Variants in ITIH1 observed in about 807,000 individuals in gnomAD.
The protein encoded by ITIH1 is inter-alpha-trypsin inhibitor heavy chain 1.
In ITIH1, 94 loss-of-function variants were observed where a neutral mutation model predicts 104.6. The observed-to-expected ratio is 0.90, with a 90% CI of 0.76 to 1.07. The LOEUF (loss-of-function observed/expected upper bound fraction) is 1.07, where lower values mean the gene tolerates loss of function less well. ITIH1 is among the 50% of genes least tolerant of loss of function. The pLI is 0.00. For synonymous variants in ITIH1, 455 were observed against 464.4 expected, an observed-to-expected ratio of 0.98 and a Z score of 0.26; for missense variants, 1,193 against 1,181.4, an observed-to-expected ratio of 1.01 and a Z score of -0.14.
Position 52,791,935 on chromosome 3 carries a change from C to T in ITIH1, c.*24C>T. 6.2e-7 allele frequency: 1 copy of T among 1,600,998 alleles called. No homozygotes were observed. Among genetic ancestry groups the T allele is most frequent in the Non-Finnish European group, 8.5e-7 (1 of 1,172,492 alleles). On this transcript the variant is annotated 3_prime_UTR_variant, in exon 22 of 22. Coordinates refer to ENST00000273283, the MANE Select transcript of ITIH1 (RefSeq NM_002215.4). ...GAGCCCTCTGGCCAGCACGCCTGTC[C>T]TCCCCCGGGGCCAAGGCAGAGGAGG...
chr3:52,791,952 C>CAG lies in ITIH1; in HGVS notation c.*44_*45dup. 1 of 1,582,086 alleles carries CAG rather than the reference C, an allele frequency of 6.3e-7. No homozygotes were observed. Among genetic ancestry groups the CAG allele is most frequent in the African/African-American group, 1.3e-5 (1 of 74,216 alleles). ...CGCCTGTCCTCCCCCGGGGCCAAGG[C>CAG]AGAGGAGGAGGACGACATCCTGACC... On this transcript the variant is annotated 3_prime_UTR_variant, in exon 22 of 22. Coordinates refer to ENST00000273283, the MANE Select transcript of ITIH1 (RefSeq NM_002215.4).
chr3:52,788,176 TG>T (rs1699252765), intron 17 of ITIH1, 55 bp from the exon 18 acceptor site: 2 of 1,522,810 alleles, frequency 1.3e-6, no homozygotes, highest in Non-Finnish European at 1.8e-6. Context: ...CCCCAACCCC[TG>T]GCCAGCCCCA....
intron 1 of ITIH1, 51 bp downstream of exon 1, chr3:52,777,783 GC>G: frequency 6.7e-7 from 1 of 1,497,734 alleles, no homozygotes. Context: ...CCTGGATGAG[GC>G]CCCGGGCGGG....
chr3:52,791,022 A>T (rs992908629), intron 20 of ITIH1, 101 bp downstream of exon 20: 1 of 1,249,844 alleles, frequency 8.0e-7, no homozygotes, highest in Non-Finnish European at 1.1e-6. Flanking sequence ...GGGCACCAGG[A>T]CAGGCCCACC....
At chr3:52,790,572 A>G in intron 19 of ITIH1, 177 bp from the exon 20 acceptor site, 1 of 639,998 alleles carries the variant, frequency 1.6e-6, no homozygotes. Flanking sequence ...GCACATTGCA[A>G]GGGCCCCAAG....
At position 52,781,309 on chromosome 3, in the gene ITIH1, T is replaced by C. The variant is rs528251000; in HGVS notation, c.688-631T>C. ...TTCCTCTTCTTCTTCTTCTGCTTCT[T>C]CTTCTCCTTCTCCTTCTTCTTCTTC... is the stretch of plus-strand genomic sequence containing the variant. On this transcript the variant is annotated intron_variant, in intron 6 of 21. Transcript: ENST00000273283. 8.0e-5 allele frequency among the ~76,000 whole-genome samples: 10 copies of C among 125,376 alleles called. 1 individual carries two copies. The highest frequency in any genetic ancestry group is 2.4e-4 in the East Asian group (1 of 4,152). 82.3% of individuals were successfully genotyped at this position (125,376 alleles called of 152,430 possible).
At chr3:52,782,855 G>A (rs1055988410) in intron 8 of ITIH1, 102 bp from the exon 9 acceptor site, 1 of 1,170,310 alleles carries the variant, frequency 8.5e-7, no homozygotes, top group African/African-American at 1.5e-5. Context: ...CCTCCTGCTT[G>A]TCCACCCTGT....
intron 6 of ITIH1, among the ~76,000 whole-genome samples, chr3:52,780,693 C>T (rs36012032): frequency 1.3e-5 from 2 of 152,198 alleles, no homozygotes; most frequent in Non-Finnish European, 2.9e-5. Flanking sequence ...GCCCGCCTCA[C>T]GCCCATGGGA....
chr3:52,780,328 C>G lies in ITIH1; in HGVS notation c.633C>G (p.Phe211Leu). The change falls in exon 6 of 22, where the codon TTC becomes TTG. Residue 211 changes from phenylalanine to leucine, a missense_variant. Transcript: ENST00000273283. The stretch of plus-strand genomic sequence containing the variant: ...GCAAGCTGGATGCCCAGGCCTCTTT[C>G]CTGCCGAAGGAACTGGCAGCCCAAA... Reference protein sequence around the residue: ...GISKLDAQASFLPKELAAQTI... With the variant: ...GISKLDAQASLLPKELAAQTI... The G allele has an allele frequency of 1.9e-6, 3 of 1,614,122 alleles. No homozygotes were observed. The highest frequency in any genetic ancestry group is 1.7e-4 in the Middle Eastern group (1 of 6,056).
chr3:52,781,208 T>TTTTCTTC (rs1699033303), intron 6 of ITIH1, among the ~76,000 whole-genome samples: 1 of 49,968 alleles, frequency 2.0e-5, no homozygotes, highest in Non-Finnish European at 3.8e-5. Flanking sequence ...TTTTTTTTTT[T>TTTTCTTC]TTCTTCTTCT....
chr3:52,791,720 TC>T, intron 21 of ITIH1, 61 bp from the exon 22 acceptor site: 2 of 1,606,428 alleles, frequency 1.2e-6, no homozygotes, highest in Non-Finnish European at 1.7e-6. Context: ...GGGGTGAGCT[TC>T]CTGGGGAGGT....
At chr3:52,789,629 G>A (rs767539914) in intron 18 of ITIH1, 24 bp from the exon 19 acceptor site, 9 of 1,610,384 alleles carry the variant, frequency 5.6e-6, no homozygotes, top group South Asian at 5.5e-5. Context: ...TTCCCAACCC[G>A]GATGCCCTCT....
chr3:52,779,617 G>A lies in ITIH1; in HGVS notation c.573+23G>A, dbSNP rs1275962353. ...GAGGTAGATCACAGGTCCCGGGGCA[G>A]GGGTCCTGCCCCTCTCTCCGTCACC... is the stretch of plus-strand genomic sequence containing the variant. On this transcript the variant is annotated intron_variant, in intron 5 of 21. Transcript: ENST00000273283. This position sits in a 1 kb window ranked among gnomAD's most constrained non-coding sequence, Gnocchi z 4.4. 6.2e-7 allele frequency: 1 copy of A among 1,613,622 alleles called. No homozygotes were observed. Among genetic ancestry groups the A allele is most frequent in the South Asian group, 1.1e-5 (1 of 91,054 alleles).
intron 19 of ITIH1, chr3:52,790,168 C>G: frequency 2.3e-6 from 1 of 440,716 alleles, no homozygotes; most frequent in Non-Finnish European, 4.2e-6. Context: ...CCTCAGCCCT[C>G]CTGCTCTCTT....
At chr3:52,787,374 G>A (rs1312551901) in intron 15 of ITIH1, among the ~76,000 whole-genome samples, 172 bp downstream of exon 15, 1 of 152,098 alleles carries the variant, frequency 6.6e-6, no homozygotes, top group Non-Finnish European at 1.5e-5. Context: ...ACTCCCTGCT[G>A]CGCTTTGTGA....
chr3:52,784,347 G>A lies in ITIH1; in HGVS notation c.1277G>A (p.Gly426Asp). The change falls in exon 11 of 22, where the codon GGC becomes GAC. Residue 426 changes from glycine (G) to aspartate (D), a missense_variant. Gly to Asp is a moderately conservative substitution (Grantham distance 94, BLOSUM62 -1). Transcript: ENST00000273283. Reference sequence around the variant, plus strand: ...AAGAACGTCCGCAACGCCATCCGGGGCAGGTTCCCGCTCTACAACCTGGGT... The same window carrying A: ...AAGAACGTCCGCAACGCCATCCGGGACAGGTTCCCGCTCTACAACCTGGGT... ...ILKNVRNAIRGRFPLYNLGFG... is the reference protein window; with the variant it reads ...ILKNVRNAIRDRFPLYNLGFG... 5 of 1,614,142 alleles carry A rather than the reference G, an allele frequency of 3.1e-6. No individual in the cohort carries two copies. The highest frequency in any genetic ancestry group is 4.2e-6 in the Non-Finnish European group (5 of 1,179,994).
rs759312659 is a variant in ITIH1 at position 52,778,525 on chromosome 3, C to G, written c.305+19C>G. 3.7e-6 allele frequency: 6 copies of G among 1,613,380 alleles called. No homozygotes were observed. In the South Asian group the frequency reaches 6.6e-5, roughly 18 times the overall value. On this transcript the variant is annotated intron_variant, in intron 3 of 21. Coordinates refer to ENST00000273283, the MANE Select transcript of ITIH1 (RefSeq NM_002215.4). Reference sequence around the variant, plus strand: ...TTGCCGTGTGCGTGCCTGCCCAACTCCCATGCCTTCTCCCAGGGGTGCCGC... The same window carrying G: ...TTGCCGTGTGCGTGCCTGCCCAACTGCCATGCCTTCTCCCAGGGGTGCCGC...
chr3:52,782,239 G>A lies in ITIH1; in HGVS notation c.902G>A (p.Gly301Asp). 1 of 1,614,128 alleles carries A rather than the reference G, an allele frequency of 6.2e-7. No individual in the cohort carries two copies. The highest frequency in any genetic ancestry group is 8.5e-7 in the Non-Finnish European group (1 of 1,180,008). ...GTGGTTTTTGTGATTGACATCAGTG[G>A]CTCCATGAGAGGCCAGAAAGTGAAG... is the stretch of plus-strand genomic sequence containing the variant. ...KNVVFVIDIS[G>D]SMRGQKVKQT... The change falls in exon 8 of 22, where the codon GGC (glycine) becomes GAC (aspartate). Residue 301 changes from glycine (G) to aspartate (D), a missense_variant. Coordinates refer to ENST00000273283, the MANE Select transcript of ITIH1 (RefSeq NM_002215.4).
At position 52,778,434 on chromosome 3, in the gene ITIH1, C is replaced by A; in HGVS notation, c.233C>A (p.Thr78Asn). ...GTTGTCACCAGCCAAGTGGTCAACACTGCCAATGAAGCCAGGGAAGTGGCC... is the reference window on the plus strand; with the variant it reads ...GTTGTCACCAGCCAAGTGGTCAACAATGCCAATGAAGCCAGGGAAGTGGCC... ...HYVVTSQVVNTANEAREVAFD... is the reference protein window; with the variant it reads ...HYVVTSQVVNNANEAREVAFD... Residue 78 changes from threonine to asparagine, a missense_variant, in exon 3 of 22, where the codon ACT (threonine) becomes AAT (asparagine). By Grantham distance (65) the Thr-to-Asn change is moderately conservative (BLOSUM62 0). Coordinates refer to ENST00000273283, the MANE Select transcript of ITIH1 (RefSeq NM_002215.4). 1 of 1,614,252 alleles carries A rather than the reference C, an allele frequency of 6.2e-7. No individual in the cohort carries two copies. Among genetic ancestry groups the A allele is most frequent in the Non-Finnish European group, 8.5e-7 (1 of 1,180,044 alleles).
Sources: gnomAD v4.1 joint callset for allele counts (sites outside exome capture counted in the v4.1 genomes callset) on GRCh38, gnomAD v4.1.1 for gene constraint, Gnocchi (gnomAD v3.1) non-coding constraint, MANE v1.5 for transcripts, NCBI Gene and HGNC (gene_info 2026-07-23, HGNC 2026-07-21) for gene names.